NTM: variants seen among roughly 807,000 people sequenced by gnomAD.
NTM encodes the protein IgLON family member 2.
Under a neutral mutation model 42.1 loss-of-function variants are expected in NTM, and 13 were observed. The observed-to-expected ratio is 0.31, with a 90% CI of 0.20 to 0.49. The LOEUF (loss-of-function observed/expected upper bound fraction) is 0.49, where lower values mean the gene tolerates loss of function less well. Ranked by LOEUF, NTM falls within the 20% of genes least tolerant of loss-of-function variation. NTM has a pLI of 0.99. For synonymous variants in NTM, 187 were observed against 179.2 expected (o/e 1.04, Z -0.35); for missense variants, 373 against 452.8 (o/e 0.82, Z 1.60).
chr11:131,894,636 T>G (rs543833383), intron 1 of NTM, among the ~76,000 whole-genome samples: 1 of 151,166 alleles, frequency 6.6e-6, no homozygotes, highest in South Asian at 2.1e-4. Context: ...CCAGTTGTGT[T>G]TGTTCAGTGA....
intron 2 of NTM, among the ~76,000 whole-genome samples, chr11:132,025,831 C>CTA (rs970956419): frequency 1.3e-5 from 2 of 152,204 alleles, no homozygotes; most frequent in African/African-American, 2.4e-5. Context: ...ACTAATCACT[C>CTA]AAAGGCCATG....
At chr11:131,858,402 C>T (rs2046313053) in intron 1 of NTM, among the ~76,000 whole-genome samples, 1 of 151,510 alleles carries the variant, frequency 6.6e-6, no homozygotes, top group African/African-American at 2.4e-5. Context: ...CCCAGTTGGG[C>T]TAAGAGCAGA....
chr11:131,404,940 A>G (rs1031423625), intron 1 of NTM, among the ~76,000 whole-genome samples: 5 of 152,184 alleles, frequency 3.3e-5, no homozygotes, highest in African/African-American at 1.2e-4. Context: ...GCAGGGTGTA[A>G]ATTTGATAAC....
intron 1 of NTM, among the ~76,000 whole-genome samples, chr11:131,416,549 C>T (rs571207318): frequency 6.6e-6 from 1 of 152,284 alleles, no homozygotes; most frequent in South Asian, 2.1e-4. Context: ...GGGGAGCCAA[C>T]TAGACTTACC....
chr11:131,792,132 A>G (rs561940977), intron 1 of NTM, among the ~76,000 whole-genome samples: 3 of 152,328 alleles, frequency 2.0e-5, no homozygotes, highest in African/African-American at 7.2e-5. Flanking sequence ...ATTTTAATAC[A>G]GTGGAAAATG....
At chr11:131,550,292 A>G (rs1030770362) in intron 1 of NTM, among the ~76,000 whole-genome samples, 10 of 152,172 alleles carry the variant, frequency 6.6e-5, no homozygotes, top group Admixed American at 4.6e-4. Context: ...CAAAAAATTT[A>G]AAAATTAGCT....
chr11:132,274,989 C>A (rs945206723), intron 4 of NTM, among the ~76,000 whole-genome samples: 1 of 152,066 alleles, frequency 6.6e-6, no homozygotes. Flanking sequence ...GGGATACAAG[C>A]ACCTTGCCAG....
intron 1 of NTM, among the ~76,000 whole-genome samples, chr11:131,823,451 T>C (rs1043137003): frequency 6.6e-6 from 1 of 152,296 alleles, no homozygotes; most frequent in Non-Finnish European, 1.5e-5. Flanking sequence ...GAGACGCGGC[T>C]CAGACCCTGG....
intron 1 of NTM, among the ~76,000 whole-genome samples, chr11:131,519,918 C>T (rs1462047519): frequency 6.6e-6 from 1 of 150,450 alleles, no homozygotes; most frequent in Non-Finnish European, 1.5e-5. Context: ...TCATAGGAGG[C>T]TGCATCTTTA....
chr11:131,665,823 G>T (rs1049970619), intron 1 of NTM, among the ~76,000 whole-genome samples: 1 of 152,152 alleles, frequency 6.6e-6, no homozygotes, highest in Non-Finnish European at 1.5e-5. Flanking sequence ...CCACCCCACC[G>T]TATTTTGCCT....
intron 4 of NTM, among the ~76,000 whole-genome samples, chr11:132,275,090 A>G (rs539897252): frequency 3.3e-5 from 5 of 152,056 alleles, no homozygotes; most frequent in African/African-American, 1.2e-4. Context: ...ATATAGTTTT[A>G]TGGCAAGTCT....
At chr11:132,084,870 A>T (rs2059511500) in intron 2 of NTM, among the ~76,000 whole-genome samples, 1 of 152,148 alleles carries the variant, frequency 6.6e-6, no homozygotes, top group African/African-American at 2.4e-5. Context: ...ATTGATGTCA[A>T]CCCCAATTTA....
intron 1 of NTM, among the ~76,000 whole-genome samples, chr11:131,901,234 A>C (rs754955751): frequency 6.6e-6 from 1 of 152,242 alleles, no homozygotes; most frequent in Admixed American, 6.5e-5. Flanking sequence ...CAAGCTGGTA[A>C]TTTGTGGAAC....
At chr11:132,060,141 C>G (rs1399922140) in intron 2 of NTM, among the ~76,000 whole-genome samples, 2 of 152,194 alleles carry the variant, frequency 1.3e-5, no homozygotes, top group African/African-American at 2.4e-5. Flanking sequence ...AAAACCCAGG[C>G]GTGCTGCCTC....
chr11:132,320,956 G>C lies in NTM; in HGVS notation c.934+6253G>C, dbSNP rs563869898. The stretch of plus-strand genomic sequence containing the variant: ...TGCAGGGTACTCCAACAGACCTGCA[G>C]CTGAGGGTCCTGTCTGTTAGAAGGA... On this transcript the variant is annotated intron_variant, in intron 7 of 8. Transcript: ENST00000683400. 5.3e-5 allele frequency among the ~76,000 whole-genome samples: 8 copies of C among 151,176 alleles called. No individual in the cohort carries two copies. The East Asian group carries it at 5.8e-4, about 11-fold the overall frequency.
At chr11:131,954,999 T>C (rs972111027) in intron 2 of NTM, among the ~76,000 whole-genome samples, 10 of 152,232 alleles carry the variant, frequency 6.6e-5, no homozygotes, top group African/African-American at 2.4e-4. Context: ...TTTGCTGTTG[T>C]AAATACTGTT....
At chr11:132,017,281 T>A (rs1349290068) in intron 2 of NTM, among the ~76,000 whole-genome samples, 1 of 152,054 alleles carries the variant, frequency 6.6e-6, no homozygotes, top group Non-Finnish European at 1.5e-5. Context: ...TTCATACATG[T>A]CGATCTGCTG....
At chr11:132,054,994 G>A (rs1310141479) in intron 2 of NTM, among the ~76,000 whole-genome samples, 2 of 152,206 alleles carry the variant, frequency 1.3e-5, no homozygotes, top group Non-Finnish European at 2.9e-5. Flanking sequence ...CAAGGGCTTG[G>A]TGTGAGGTTG....
chr11:131,867,359 TTGTC>T (rs1187819970), intron 1 of NTM, among the ~76,000 whole-genome samples: 1 of 152,042 alleles, frequency 6.6e-6, no homozygotes, highest in Non-Finnish European at 1.5e-5. Flanking sequence ...GCCTGTATGT[TTGTC>T]TGTGTGTCTG....
Sources: allele counts gnomAD v4.1 joint callset (sites outside exome capture counted in the v4.1 genomes callset), GRCh38; gene constraint gnomAD v4.1.1; transcripts MANE v1.5; gene names NCBI Gene and HGNC (gene_info 2026-07-23, HGNC 2026-07-21).